Variants in FNBP1 observed in about 807,000 individuals in gnomAD.
The protein encoded by FNBP1 is formin binding protein 1, also known as formin-binding protein 1.
Under a neutral mutation model 90.6 loss-of-function variants are expected in FNBP1, and 26 were observed. The observed-to-expected ratio is 0.29, with a 90% CI of 0.21 to 0.40. The LOEUF is 0.40. Ranked by LOEUF, FNBP1 falls within the 10% of genes least tolerant of loss-of-function variation. FNBP1 has a pLI of 1.00. For synonymous variants in FNBP1, 260 were observed against 265.2 expected (o/e 0.98, Z 0.19); for missense variants, 635 against 768.0 (o/e 0.83, Z 2.05).
Position 130,042,085 on chromosome 9 carries a change from C to A in FNBP1, c.24+867G>T, listed in dbSNP as rs1230487302. 1.3e-5 allele frequency among the ~76,000 whole-genome samples: 2 copies of A among 152,082 alleles called. No individual in the cohort carries two copies. The highest frequency in any genetic ancestry group is 4.8e-5 in the African/African-American group (2 of 41,410). On this transcript the variant is annotated intron_variant, in intron 1 of 16. Transcript: ENST00000446176. This position sits in a 1 kb window ranked among gnomAD's most constrained non-coding sequence, Gnocchi z 5.5. ...ATCCGGGGACGGCAGGAAAAGAGCTCCATCCACAGCCAGCCCCTCGCCTTT... is the reference window on the plus strand; with the variant it reads ...ATCCGGGGACGGCAGGAAAAGAGCTACATCCACAGCCAGCCCCTCGCCTTT...
upstream of FNBP1, chr9:130,043,190 G>C: frequency 8.0e-6 from 3 of 373,400 alleles, no homozygotes; most frequent in Non-Finnish European, 9.4e-6. Context: ...CAGCAGCCGC[G>C]GCCGCCGCAG....
chr9:129,944,714 C>A (rs1386312727), intron 6 of FNBP1, among the ~76,000 whole-genome samples: 2 of 152,142 alleles, frequency 1.3e-5, no homozygotes, highest in Non-Finnish European at 2.9e-5. Flanking sequence ...ACCTCACACC[C>A]AGCCCTTGAG....
At chr9:129,927,886 G>A (rs1039837649) in intron 7 of FNBP1, among the ~76,000 whole-genome samples, 2 of 150,952 alleles carry the variant, frequency 1.3e-5, no homozygotes, top group African/African-American at 4.9e-5. Context: ...GGCCTCCAAA[G>A]TGCTGGGATT....
chr9:129,908,905 T>C lies in FNBP1; in HGVS notation c.1280A>G (p.Lys427Arg). The stretch of plus-strand genomic sequence containing the variant: ...TGCACTATACCTTTGATCCATCTCC[T>C]TCTGAATTTCTTTATTTAACTCATC... ...KVDELNKEIQ[K>R]EMDQRDAITK... The change falls in exon 12 of 17, where the codon AAG (lysine) becomes AGG (arginine). Residue 427 changes from lysine (K) to arginine (R), a missense_variant. Physicochemically the swap from Lys to Arg is conservative, Grantham distance 26. Coordinates refer to ENST00000446176, the MANE Select transcript of FNBP1 (RefSeq NM_015033.3). The C allele has an allele frequency of 6.2e-7, 1 of 1,610,156 alleles. No individual in the cohort carries two copies. The highest frequency in any genetic ancestry group is 8.5e-7 in the Non-Finnish European group (1 of 1,176,944).
chr9:130,018,708 G>A (rs920422635), intron 1 of FNBP1, among the ~76,000 whole-genome samples: 6 of 152,076 alleles, frequency 3.9e-5, no homozygotes, highest in Admixed American at 3.3e-4. Context: ...CTCCCAAAGT[G>A]CTGAGATTGC....
intron 1 of FNBP1, among the ~76,000 whole-genome samples, chr9:130,008,819 T>A (rs1346235229): frequency 6.6e-6 from 1 of 152,150 alleles, no homozygotes; most frequent in Non-Finnish European, 1.5e-5. Flanking sequence ...GAAAACCAAC[T>A]GTGCCTCTCA....
chr9:130,007,615 A>G (rs2131595410), intron 1 of FNBP1, among the ~76,000 whole-genome samples: 1 of 152,326 alleles, frequency 6.6e-6, no homozygotes, highest in Non-Finnish European at 1.5e-5. Context: ...AGAACACCTT[A>G]GTCACTTTCA....
intron 1 of FNBP1, among the ~76,000 whole-genome samples, 194 bp from the exon 2 acceptor site, chr9:129,995,152 A>C (rs1345748160): frequency 1.3e-5 from 2 of 152,232 alleles, no homozygotes; most frequent in African/African-American, 4.8e-5. Flanking sequence ...CGCCTGGAGT[A>C]CTGAACTCTG....
intron 12 of FNBP1, among the ~76,000 whole-genome samples, chr9:129,907,510 C>A (rs891849278): frequency 6.6e-6 from 1 of 151,930 alleles, no homozygotes; most frequent in Non-Finnish European, 1.5e-5. Flanking sequence ...CGGGGTCTTG[C>A]TCTGTTGCCC....
intron 4 of FNBP1, among the ~76,000 whole-genome samples, chr9:129,967,005 G>C (rs11789432): frequency 0.036 from 5,554 of 152,282 alleles, 118 homozygotes; most frequent in Middle Eastern, 0.085. Flanking sequence ...ATGTGGAAGA[G>C]GGGTGAGAAG....
At chr9:129,935,120 CA>C (rs2043231707) in intron 6 of FNBP1, among the ~76,000 whole-genome samples, 1 of 125,198 alleles carries the variant, frequency 8.0e-6, no homozygotes. Flanking sequence ...CTGTTTAGCT[CA>C]TTTTTTTTTT....
At chr9:129,982,219 T>C (rs1371472686) in intron 2 of FNBP1, among the ~76,000 whole-genome samples, 1 of 152,190 alleles carries the variant, frequency 6.6e-6, no homozygotes, top group Non-Finnish European at 1.5e-5. Flanking sequence ...ATGCCTGTAA[T>C]CCCAGCACTT....
chr9:129,990,939 T>A (rs553116993), intron 2 of FNBP1, among the ~76,000 whole-genome samples: 3 of 150,354 alleles, frequency 2.0e-5, no homozygotes, highest in African/African-American at 7.4e-5. Context: ...AGGGTTTTTT[T>A]TTTTTTTTTT....
At chr9:130,047,572 C>T (rs946828606), upstream of FNBP1, among the ~76,000 whole-genome samples, 8 of 152,080 alleles carry the variant, frequency 5.3e-5, no homozygotes, top group African/African-American at 1.9e-4. Flanking sequence ...AAGATCGCAC[C>T]ACTGCACTCT....
At chr9:129,950,096 T>C (rs1484174144) in intron 6 of FNBP1, among the ~76,000 whole-genome samples, 2 of 152,172 alleles carry the variant, frequency 1.3e-5, no homozygotes, top group Non-Finnish European at 2.9e-5. Context: ...TAATGGGAGA[T>C]GACATTAAAT....
intron 1 of FNBP1, among the ~76,000 whole-genome samples, chr9:130,003,720 A>G (rs1052166925): frequency 6.6e-6 from 1 of 151,842 alleles, no homozygotes; most frequent in Admixed American, 6.6e-5. Context: ...CCAGGAGATC[A>G]AGACCATCCT....
intron 12 of FNBP1, among the ~76,000 whole-genome samples, chr9:129,906,920 C>T (rs905674755): frequency 3.3e-5 from 5 of 152,120 alleles, no homozygotes; most frequent in African/African-American, 1.2e-4. Context: ...GCTGGGATTA[C>T]AGGCACACAC....
chr9:129,985,273 A>G (rs1263439208), intron 2 of FNBP1, among the ~76,000 whole-genome samples: 1 of 145,450 alleles, frequency 6.9e-6, no homozygotes, highest in Non-Finnish European at 1.6e-5. Context: ...GGCTCACGTT[A>G]GAAACAAACA....
At chr9:129,954,074 A>G (rs921969230) in intron 6 of FNBP1, among the ~76,000 whole-genome samples, 2 of 151,946 alleles carry the variant, frequency 1.3e-5, no homozygotes, top group African/African-American at 2.4e-5. Flanking sequence ...AAACGTATCC[A>G]GAAAAAAAGA....
Sources: gnomAD v4.1 joint callset for allele counts (sites outside exome capture counted in the v4.1 genomes callset) on GRCh38, gnomAD v4.1.1 for gene constraint, Gnocchi (gnomAD v3.1) non-coding constraint, MANE v1.5 for transcripts, NCBI Gene and HGNC (gene_info 2026-07-23, HGNC 2026-07-21) for gene names.